The following KCNMA1 variants were observed in gnomAD, a reference collection of about 807,000 sequenced individuals.
KCNMA1 encodes Calcium-activated potassium channel subunit alpha-1.
A neutral mutation model predicts 140.0 loss-of-function variants in KCNMA1; 29 were observed. The ratio of observed to expected loss-of-function variants is 0.21; its 90% confidence interval spans 0.15 to 0.28. The LOEUF (loss-of-function observed/expected upper bound fraction) is 0.28. Ranked by LOEUF, KCNMA1 falls within the 10% of genes least tolerant of loss-of-function variation. The probability of loss-of-function intolerance (pLI) is 1.00; values close to 1 mark genes in which losing one functional copy is unlikely to be tolerated. For synonymous variants in KCNMA1, 612 were observed against 611.9 expected, an observed-to-expected ratio of 1.00 and a Z score of 0.00; for missense variants, 880 against 1,602.2, an observed-to-expected ratio of 0.55 and a Z score of 7.70.
chr10:76,941,018 G>GAAGA (rs758943097), intron 23 of KCNMA1, among the ~76,000 whole-genome samples: 2,098 of 38,270 alleles, frequency 0.055, 114 homozygotes, highest in Middle Eastern at 0.14. Flanking sequence ...AGGAAGGAAG[G>GAAGA]AAGAAAGAAA....
intron 3 of KCNMA1, among the ~76,000 whole-genome samples, chr10:77,225,844 T>C (rs1047223640): frequency 6.6e-6 from 1 of 152,190 alleles, no homozygotes; most frequent in Non-Finnish European, 1.5e-5. Flanking sequence ...CAGACAGTGC[T>C]GTGGGCCCCT....
At chr10:77,261,479 G>A (rs2061995797) in intron 2 of KCNMA1, among the ~76,000 whole-genome samples, 1 of 152,188 alleles carries the variant, frequency 6.6e-6, no homozygotes, top group Admixed American at 6.5e-5. Context: ...CATCGCAGGA[G>A]TGTTGTCCTA....
intron 18 of KCNMA1, among the ~76,000 whole-genome samples, chr10:77,005,265 A>G (rs2088055485): frequency 6.6e-6 from 1 of 152,180 alleles, no homozygotes; most frequent in Non-Finnish European, 1.5e-5. Flanking sequence ...ATGGCTTCTC[A>G]TGATCCACAG....
chr10:77,074,961 A>G (rs1234405630), intron 13 of KCNMA1, among the ~76,000 whole-genome samples: 1 of 152,262 alleles, frequency 6.6e-6, no homozygotes, highest in African/African-American at 2.4e-5. Flanking sequence ...GGAAGACTCC[A>G]TTGTGAAAAC....
chr10:76,909,106 G>T (rs1036167354), intron 25 of KCNMA1, among the ~76,000 whole-genome samples: 1 of 152,214 alleles, frequency 6.6e-6, no homozygotes, highest in Admixed American at 6.5e-5. Flanking sequence ...CTTCCAGCCA[G>T]GCCTTGCCTC....
Position 77,584,560 on chromosome 10 carries a change from T to C in KCNMA1, c.378+52705A>G, listed in dbSNP as rs149822151. On this transcript the variant is annotated intron_variant, in intron 1 of 27. Coordinates refer to ENST00000286628, the MANE Select transcript of KCNMA1 (RefSeq NM_001161352.2). ...AGTAGAGACAGGGAGGGTTTCACCA[T>C]GTTAGCCAGGGTGGTCTCGATCTCT... Among the ~76,000 whole-genome samples, 694 of 152,222 alleles carry C rather than the reference T, an allele frequency of 4.6e-3. 7 individuals carry two copies. Among genetic ancestry groups the C allele is most frequent in the South Asian group, 0.025 (120 of 4,816 alleles).
intron 2 of KCNMA1, among the ~76,000 whole-genome samples, chr10:77,333,572 C>T (rs190998654): frequency 6.6e-6 from 1 of 152,306 alleles, no homozygotes; most frequent in Non-Finnish European, 1.5e-5. Flanking sequence ...CAAACTAACA[C>T]ATTTTAATGG....
At chr10:77,450,173 AGT>A (rs1214434718) in intron 1 of KCNMA1, among the ~76,000 whole-genome samples, 1 of 151,932 alleles carries the variant, frequency 6.6e-6, no homozygotes, top group Non-Finnish European at 1.5e-5. Flanking sequence ...CTCCTAATTC[AGT>A]CTCCCGAGTA....
At chr10:77,444,873 G>A (rs2097492235) in intron 1 of KCNMA1, among the ~76,000 whole-genome samples, 1 of 152,164 alleles carries the variant, frequency 6.6e-6, no homozygotes, top group Admixed American at 6.5e-5. Context: ...GAAAAGCCTT[G>A]TTGGGTGATA....
intron 1 of KCNMA1, 97 bp downstream of exon 1, chr10:77,637,168 G>C: frequency 4.7e-6 from 6 of 1,280,084 alleles, no homozygotes; most frequent in Non-Finnish European, 5.3e-6. Context: ...GGGATGGAGG[G>C]AGGCACGGCG....
At chr10:77,260,683 T>A (rs1462847400) in intron 2 of KCNMA1, among the ~76,000 whole-genome samples, 1 of 152,146 alleles carries the variant, frequency 6.6e-6, no homozygotes, top group Non-Finnish European at 1.5e-5. Flanking sequence ...TACTCCAGCC[T>A]GGGCAACAGA....
intron 1 of KCNMA1, among the ~76,000 whole-genome samples, chr10:77,486,807 C>A (rs1431497520): frequency 1.3e-5 from 2 of 152,224 alleles, no homozygotes; most frequent in South Asian, 4.1e-4. Context: ...TCCTCTGTCT[C>A]CATTTCCAGC....
chr10:77,074,451 G>A (rs771412211), intron 13 of KCNMA1, among the ~76,000 whole-genome samples: 11 of 152,302 alleles, frequency 7.2e-5, no homozygotes, highest in South Asian at 2.1e-4. Flanking sequence ...AGGAGGTAGC[G>A]TCTGGAAAAG....
chr10:77,117,347 G>A (rs1246199247), intron 6 of KCNMA1, among the ~76,000 whole-genome samples: 1 of 151,816 alleles, frequency 6.6e-6, no homozygotes, highest in Non-Finnish European at 1.5e-5. Context: ...TCAAAAGTTC[G>A]AGACCAGCGT....
chr10:77,591,007 G>A (rs2078968483), intron 1 of KCNMA1, among the ~76,000 whole-genome samples: 2 of 152,304 alleles, frequency 1.3e-5, no homozygotes, highest in Non-Finnish European at 1.5e-5. Flanking sequence ...GAGCCACGGA[G>A]CTCAACAGCA....
chr10:77,366,132 C>T (rs199630928), intron 2 of KCNMA1, among the ~76,000 whole-genome samples: 12 of 29,014 alleles, frequency 4.1e-4, no homozygotes, highest in Admixed American at 9.4e-4. Context: ...TTCTTTTCTT[C>T]TCTCTCTCTC....
chr10:77,503,728 G>A (rs983560206), intron 1 of KCNMA1, among the ~76,000 whole-genome samples: 3 of 152,144 alleles, frequency 2.0e-5, no homozygotes, highest in Admixed American at 6.5e-5. Flanking sequence ...CTGCCCTCAT[G>A]GATCCAGCAC....
intron 20 of KCNMA1, among the ~76,000 whole-genome samples, chr10:76,963,367 A>G (rs576146428): frequency 1.6e-4 from 25 of 152,298 alleles, no homozygotes; most frequent in Non-Finnish European, 1.9e-4. Context: ...CCAGCAAGCT[A>G]TATCTTAACA....
intron 3 of KCNMA1, among the ~76,000 whole-genome samples, chr10:77,228,107 G>C (rs907621875): frequency 2.0e-5 from 3 of 151,930 alleles, no homozygotes; most frequent in African/African-American, 7.3e-5. Context: ...TGGGATTACA[G>C]GCACGTGCCA....
Sources: allele counts gnomAD v4.1 joint callset (sites outside exome capture counted in the v4.1 genomes callset), GRCh38; gene constraint gnomAD v4.1.1; transcripts MANE v1.5; gene names NCBI Gene and HGNC (gene_info 2026-07-23, HGNC 2026-07-21).